Variants in MYH7B observed in about 807,000 individuals in gnomAD.
MYH7B encodes myosin heavy chain 7B.
Under a neutral mutation model 234.5 loss-of-function variants are expected in MYH7B, and 205 were observed. The observed-to-expected ratio is 0.87, with a 90% CI of 0.78 to 0.98. MYH7B has a LOEUF of 0.98. Ranked by LOEUF, MYH7B falls within the 50% of genes least tolerant of loss-of-function variation. The probability of loss-of-function intolerance (pLI) is 0.00; values close to 1 mark genes in which losing one functional copy is unlikely to be tolerated. For missense variants in MYH7B, 2,652 were observed against 2,633.4 expected (o/e 1.01, Z -0.15); for synonymous variants, 1,193 against 1,105.0 (o/e 1.08, Z -1.58).
intron 9 of MYH7B, chr20:34,981,861 A>C (rs2081947113): frequency 1.0e-5 from 1 of 99,464 alleles, no homozygotes; most frequent in Non-Finnish European, 2.3e-5. Flanking sequence ...CACGAAAAAA[A>C]AAAAAAAAAA....
At chr20:34,988,002 T>C in intron 18 of MYH7B, 88 bp downstream of exon 18, 3 of 1,562,682 alleles carry the variant, frequency 1.9e-6, no homozygotes, top group South Asian at 2.4e-5. Context: ...GCCTTCTGCC[T>C]GGAAGTTGGG....
intron 13 of MYH7B, 82 bp from the exon 14 acceptor site, chr20:34,986,018 C>A: frequency 8.1e-7 from 1 of 1,235,098 alleles, no homozygotes; most frequent in Non-Finnish European, 1.2e-6. Flanking sequence ...CCCTGCCCAC[C>A]TCTCTCCCTC....
chr20:34,971,382 C>G (rs2081792286), intron 2 of MYH7B, among the ~76,000 whole-genome samples: 1 of 152,164 alleles, frequency 6.6e-6, no homozygotes, highest in South Asian at 2.1e-4. Context: ...TGGGGGACAG[C>G]TGGTTCCCCA....
At chr20:34,988,348 G>A (rs1273219670) in intron 19 of MYH7B, 86 bp downstream of exon 19, 7 of 1,441,174 alleles carry the variant, frequency 4.9e-6, no homozygotes, top group African/African-American at 1.4e-5. Flanking sequence ...TTGCATGGAA[G>A]CCTGCAAGTG....
intron 3 of MYH7B, among the ~76,000 whole-genome samples, 156 bp from the exon 4 acceptor site, chr20:34,977,476 G>A (rs530528013): frequency 3.9e-5 from 6 of 152,112 alleles, no homozygotes; most frequent in Middle Eastern, 3.4e-3. Context: ...GTCTCTCTCC[G>A]CCTTTGTGAT....
chr20:34,987,032 T>C (rs376755158), intron 15 of MYH7B, 43 bp downstream of exon 15: 1 of 1,610,070 alleles, frequency 6.2e-7, no homozygotes, highest in African/African-American at 1.3e-5. Flanking sequence ...ACGCCTGTGG[T>C]GGAATCGGGC....
chr20:34,989,402 T>G (rs1327268181), intron 19 of MYH7B, among the ~76,000 whole-genome samples: 4 of 152,148 alleles, frequency 2.6e-5, no homozygotes, highest in Non-Finnish European at 4.4e-5. Flanking sequence ...ACTTGATGGC[T>G]TTTTTTGACT....
At chr20:34,996,215 G>A (rs909654831) in intron 28 of MYH7B, 131 bp from the exon 29 acceptor site, 2 of 1,072,202 alleles carry the variant, frequency 1.9e-6, no homozygotes, top group Admixed American at 5.4e-5. Context: ...CAGAAGCGGT[G>A]GAGGCTCGGA....
Position 34,975,516 on chromosome 20 carries a change from AG to A in MYH7B, c.-122+20del. On this transcript the variant is annotated intron_variant, in intron 3 of 44. Coordinates refer to ENST00000262873, the Ensembl canonical transcript of MYH7B. ...AGACATGAGGTACTGTGCCTGACCCAGGGTATGTTTACTTTGAGAAAATTCA... is the reference window on the plus strand; with the variant it reads ...AGACATGAGGTACTGTGCCTGACCCAGGTATGTTTACTTTGAGAAAATTCA... 1.4e-6 allele frequency: 1 copy of A among 710,992 alleles called. No individual in the cohort carries two copies. The highest frequency in any genetic ancestry group is 2.6e-6 in the Non-Finnish European group (1 of 381,068). 44.0% of individuals were successfully genotyped at this position (710,992 alleles called of 1,614,324 possible).
At chr20:35,000,864 G>C in exon 40 of MYH7B, 1 of 1,613,458 alleles carries the variant, frequency 6.2e-7, no homozygotes, top group Non-Finnish European at 8.5e-7. Context: ...GCGGGAGGCT[G>C]AGGAGAAGGC....
intron 26 of MYH7B, 85 bp downstream of exon 26, chr20:34,993,555 C>T: frequency 7.2e-7 from 1 of 1,392,986 alleles, no homozygotes; most frequent in Non-Finnish European, 9.5e-7. Flanking sequence ...CCCTAACATG[C>T]TGCCCTGTAG....
chr20:34,998,331 C>A (rs775417956), exon 33 of MYH7B: 3 of 1,614,006 alleles, frequency 1.9e-6, no homozygotes, highest in Admixed American at 3.3e-5. Flanking sequence ...CTATGAGGAT[C>A]AGCTAAGCGA....
rs55666478 is a variant in MYH7B, at chr20:35,001,704, C to T, written c.5676+178C>T. ...CTAGCTCCTTCTCATGGAACAGACC[C>T]CATGTGCTTTCCCCTGGCCAAGGCT... On this transcript the variant is annotated intron_variant, in intron 43 of 44. Transcript: ENST00000262873. The T allele has an allele frequency of 5.8e-3, 4,604 of 794,276 alleles. 159 individuals carry two copies. The African/African-American group carries it at 0.072, about 12-fold the overall frequency. 49.2% of individuals were successfully genotyped at this position (794,276 alleles called of 1,614,324 possible). A position where few individuals can be genotyped will look rare whatever the true frequency, so the allele number is the denominator to read the frequency against.
At chr20:34,992,500 C>T (rs1045069447) in intron 24 of MYH7B, among the ~76,000 whole-genome samples, 1 of 151,516 alleles carries the variant, frequency 6.6e-6, no homozygotes, top group Non-Finnish European at 1.5e-5. Context: ...ATAGTGCATG[C>T]CTTCTGTAAA....
At chr20:34,967,561 C>A (rs1055490458) in intron 2 of MYH7B, among the ~76,000 whole-genome samples, 1 of 152,112 alleles carries the variant, frequency 6.6e-6, no homozygotes, top group Admixed American at 6.6e-5. Flanking sequence ...TACAGCACCC[C>A]CCGCCCTCCA....
intron 3 of MYH7B, among the ~76,000 whole-genome samples, chr20:34,977,378 G>T (rs188455343): frequency 6.6e-6 from 1 of 152,040 alleles, no homozygotes; most frequent in Non-Finnish European, 1.5e-5. Context: ...GTTTCTCCCC[G>T]TGAGCTCTTC....
intron 9 of MYH7B, among the ~76,000 whole-genome samples, 189 bp from the exon 10 acceptor site, chr20:34,982,270 G>C (rs527550959): frequency 6.6e-6 from 1 of 151,924 alleles, no homozygotes; most frequent in African/African-American, 2.4e-5. Flanking sequence ...TGGCATCATC[G>C]TGTGTTGTCA....
intron 2 of MYH7B, among the ~76,000 whole-genome samples, chr20:34,967,992 C>T (rs373185796): frequency 4.6e-5 from 7 of 152,234 alleles, no homozygotes; most frequent in Admixed American, 3.3e-4. Flanking sequence ...CAAGGCTTCC[C>T]GCCATAGTAC....
exon 8 of MYH7B, chr20:34,980,699 C>T (rs2081928904): frequency 6.2e-7 from 1 of 1,614,158 alleles, no homozygotes; most frequent in Non-Finnish European, 8.5e-7. Flanking sequence ...CATATATATG[C>T]GGTGGCGGAC....
Sources: allele counts gnomAD v4.1 joint callset (sites outside exome capture counted in the v4.1 genomes callset), GRCh38; gene constraint gnomAD v4.1.1; transcripts MANE v1.5; gene names NCBI Gene and HGNC (gene_info 2026-07-23, HGNC 2026-07-21).